ZW10: variants seen among roughly 807,000 people sequenced by gnomAD.
The protein encoded by ZW10 is centromere/kinetochore protein zw10 homolog.
Under a neutral mutation model 87.8 loss-of-function variants are expected in ZW10, and 53 were observed. The observed-to-expected ratio is 0.60, with a 90% CI of 0.48 to 0.76. The LOEUF is 0.76. ZW10 is among the 30% of genes least tolerant of loss of function. ZW10 has a pLI of 0.00. For synonymous variants in ZW10, 312 were observed against 329.2 expected, an observed-to-expected ratio of 0.95 and a Z score of 0.57; for missense variants, 837 against 923.0, an observed-to-expected ratio of 0.91 and a Z score of 1.21.
chr11:113,737,081 G>A (rs559318567), intron 14 of ZW10, among the ~76,000 whole-genome samples: 66 of 152,270 alleles, frequency 4.3e-4, no homozygotes, highest in African/African-American at 1.3e-3. Context: ...ATAGAATGTC[G>A]CACAGCTTGT....
chr11:113,736,576 T>C (rs767389544), intron 15 of ZW10, 44 bp downstream of exon 15: 20 of 1,577,764 alleles, frequency 1.3e-5, no homozygotes, highest in Non-Finnish European at 1.6e-5. Flanking sequence ...TACTCTCTTG[T>C]AGCTATGGAG....
chr11:113,757,717 A>G lies in ZW10; in HGVS notation c.870T>C (p.Ser290=). 6.2e-7 allele frequency: 1 copy of G among 1,612,870 alleles called. No homozygotes were observed. The highest frequency in any genetic ancestry group is 1.1e-5 in the South Asian group (1 of 90,928). The change falls in exon 7 of 16, where the codon TCT becomes TCC. Residue 290 remains serine, a synonymous_variant. Coordinates refer to ENST00000200135, the MANE Select transcript of ZW10 (RefSeq NM_004724.4). ...IMTNLEYPSP[S]EVFTKIRLVL... ...CCAGTCTGATCTTTGTAAAAACTTC[A>G]GATGGTGATGGATATTCCAAGTTAG...
intron 15 of ZW10, among the ~76,000 whole-genome samples, chr11:113,736,344 A>G (rs1047693641): frequency 2.0e-5 from 3 of 152,168 alleles, no homozygotes; most frequent in Admixed American, 2.0e-4. Flanking sequence ...GAAGGCTATA[A>G]TTCTTACAGT....
intron 7 of ZW10, among the ~76,000 whole-genome samples, 196 bp from the exon 8 acceptor site, chr11:113,748,616 T>C (rs1018354128): frequency 6.6e-6 from 1 of 152,174 alleles, no homozygotes; most frequent in Admixed American, 6.5e-5. Context: ...TCAAATGAAT[T>C]GTCTGTACTA....
intron 9 of ZW10, among the ~76,000 whole-genome samples, chr11:113,745,852 C>T (rs1258609901): frequency 6.6e-6 from 1 of 152,052 alleles, no homozygotes; most frequent in Non-Finnish European, 1.5e-5. Context: ...AAGTTGAAAA[C>T]GTTTTTTAGA....
rs1479751665 is a variant in ZW10, at chr11:113,741,679, T to C, written c.1583+15A>G. ...ATACAATTATTATATAGAAATGAGA[T>C]ACAGTGGTACTTACTTGTGATATGT... On this transcript the variant is annotated intron_variant, in intron 11 of 15. Transcript: ENST00000200135. The C allele has an allele frequency of 1.3e-6, 2 of 1,528,040 alleles. No individual in the cohort carries two copies. Among genetic ancestry groups the C allele is most frequent in the African/African-American group, 1.4e-5 (1 of 72,292 alleles). 94.7% of individuals were successfully genotyped at this position (1,528,040 alleles called of 1,614,324 possible).
At chr11:113,736,349 T>A (rs989541965) in intron 15 of ZW10, among the ~76,000 whole-genome samples, 1 of 151,968 alleles carries the variant, frequency 6.6e-6, no homozygotes, top group African/African-American at 2.4e-5. Flanking sequence ...CTATAATTCT[T>A]ACAGTTGCCA....
intron 7 of ZW10, among the ~76,000 whole-genome samples, chr11:113,748,780 T>G (rs573782339): frequency 1.5e-3 from 223 of 152,320 alleles, no homozygotes; most frequent in Admixed American, 2.4e-3. Context: ...TATTTAATAA[T>G]GAATAAACAT....
rs1010084134 is a variant in ZW10, at chr11:113,745,571, T to C, written c.1273-1531A>G. ...AAAATTATGGCTAAGATTAGAATGA[T>C]GATGAAAAAATTTACTTACAGAGTT... On this transcript the variant is annotated intron_variant, in intron 9 of 15. Transcript: ENST00000200135. Among the ~76,000 whole-genome samples the C allele has an allele frequency of 2.0e-5, 3 of 152,150 alleles. No homozygotes were observed. The South Asian group carries it at 6.2e-4, about 31-fold the overall frequency.
In ZW10 at chr11:113,739,273, G is replaced by A. The variant is rs1178653783; in HGVS notation, c.1693C>T (p.Pro565Ser). 3 of 1,613,784 alleles carry A rather than the reference G, an allele frequency of 1.9e-6. No homozygotes were observed. In the African/African-American group the frequency reaches 4.0e-5, roughly 22 times the overall value. The change falls in exon 12 of 16, where the codon CCC (proline) becomes TCC (serine). Residue 565 changes from proline (P) to serine (S), a missense_variant. Pro to Ser is a moderately conservative substitution (Grantham distance 74). Transcript: ENST00000200135. ...LGHQFRLRLA[P>S]ILCDGTATFV... The stretch of plus-strand genomic sequence containing the variant: ...GTAGCAGTGCCATCACAAAGAATGG[G>A]GGCAAGACGCAATCTGAACTGATGC...
chr11:113,750,962 A>G (rs1953727580), intron 7 of ZW10, among the ~76,000 whole-genome samples: 1 of 152,110 alleles, frequency 6.6e-6, no homozygotes, highest in Non-Finnish European at 1.5e-5. Context: ...ATAAAATACA[A>G]TATCTTTCTA....
intron 13 of ZW10, 57 bp downstream of exon 13, chr11:113,738,207 A>G: frequency 1.3e-6 from 2 of 1,510,318 alleles, no homozygotes; most frequent in African/African-American, 1.4e-5. Context: ...AAAGCAAACA[A>G]AAAAAAAGGC....
rs181005901 is a variant in ZW10, at chr11:113,736,613, T to C, written c.2219+7A>G. ...GTTATATGCCTCTATAGAAGGGTTA[T>C]ACATACCGATCCCCAATTTCTTGCA... On this transcript the variant is annotated splice_region_variant and intron_variant, in intron 15 of 15. Transcript: ENST00000200135. 11 of 1,614,128 alleles carry C rather than the reference T, an allele frequency of 6.8e-6. No individual in the cohort carries two copies. The highest frequency in any genetic ancestry group is 2.2e-5 in the East Asian group (1 of 44,880).
intron 7 of ZW10, among the ~76,000 whole-genome samples, chr11:113,755,597 T>G (rs1358380626): frequency 6.6e-6 from 1 of 152,178 alleles, no homozygotes; most frequent in Non-Finnish European, 1.5e-5. Flanking sequence ...ATAAATTTAG[T>G]TGATAAAGCA....
chr11:113,763,176 T>C (rs1296136635), intron 2 of ZW10, among the ~76,000 whole-genome samples: 1 of 152,186 alleles, frequency 6.6e-6, no homozygotes, highest in East Asian at 1.9e-4. Context: ...TTCATCCATA[T>C]CCCTACAAAG....
At position 113,773,579 on chromosome 11, in the gene ZW10, G is replaced by A. The variant is rs878856265; in HGVS notation, c.88C>T (p.Arg30Trp). Residue 30 changes from arginine to tryptophan, a missense_variant, in exon 1 of 16, where the codon CGG (arginine) becomes TGG (tryptophan). Arg to Trp is a moderately radical substitution (Grantham distance 101). Coordinates refer to ENST00000200135, the MANE Select transcript of ZW10 (RefSeq NM_004724.4). ...LGTRISRLTRRVEEIKGEVCN... is the reference protein window; with the variant it reads ...LGTRISRLTRWVEEIKGEVCN... Reference sequence around the variant, plus strand: ...GCTCTCACCTTGATCTCCTCCACCCGCCGGGTCAGGCGGCTGATCCGGGTC... The same window carrying A: ...GCTCTCACCTTGATCTCCTCCACCCACCGGGTCAGGCGGCTGATCCGGGTC... 3 of 1,613,340 alleles carry A rather than the reference G, an allele frequency of 1.9e-6. No individual in the cohort carries two copies. Among genetic ancestry groups the A allele is most frequent in the Non-Finnish European group, 2.5e-6 (3 of 1,179,926 alleles).
intron 15 of ZW10, among the ~76,000 whole-genome samples, chr11:113,734,504 C>G (rs942203992): frequency 6.6e-6 from 1 of 152,060 alleles, no homozygotes; most frequent in African/African-American, 2.4e-5. Flanking sequence ...GCTACACATA[C>G]CATCAAGAAT....
At chr11:113,760,743 A>G (rs1383810324) in intron 3 of ZW10, 74 bp downstream of exon 3, 1 of 1,380,750 alleles carries the variant, frequency 7.2e-7, no homozygotes, top group African/African-American at 1.5e-5. Context: ...AACCCATTAT[A>G]GTCAGGAGAT....
At chr11:113,772,880 G>A (rs1419067486) in intron 1 of ZW10, among the ~76,000 whole-genome samples, 1 of 151,426 alleles carries the variant, frequency 6.6e-6, no homozygotes, top group East Asian at 1.9e-4. Flanking sequence ...TCAGCTACTC[G>A]GGAGGCTGAG....
Sources: allele counts gnomAD v4.1 joint callset (sites outside exome capture counted in the v4.1 genomes callset), GRCh38; gene constraint gnomAD v4.1.1; transcripts MANE v1.5; gene names NCBI Gene and HGNC (gene_info 2026-07-23, HGNC 2026-07-21).